CFAP90: variants seen among roughly 807,000 people sequenced by gnomAD.
CFAP90 encodes cilia and flagella associated protein 90, also known as cilia- and flagella-associated protein 90.
the CFAP90 span, among the ~76,000 whole-genome samples, chr5:7,838,929 T>A: frequency 6.6e-6 from 1 of 152,294 alleles, no homozygotes; most frequent in East Asian, 1.9e-4. Context: ...CCTCACCCAG[T>A]GTATTAGTCT....
chr5:7,842,940 G>A, the CFAP90 span, among the ~76,000 whole-genome samples: 6 of 152,260 alleles, frequency 3.9e-5, no homozygotes, highest in East Asian at 1.9e-4. Flanking sequence ...CCAGCACACC[G>A]GCGGTTAAGA....
the CFAP90 span, among the ~76,000 whole-genome samples, chr5:7,843,425 T>C: frequency 3.3e-5 from 5 of 152,336 alleles, no homozygotes; most frequent in South Asian, 1.0e-3. Context: ...ATCACAAGTT[T>C]TAGAAATTCT....
the CFAP90 span, chr5:7,835,640 C>A: frequency 5.2e-6 from 3 of 581,734 alleles, no homozygotes; most frequent in Non-Finnish European, 6.1e-6. Context: ...TTCACCTCAC[C>A]AAGCAGAACC....
the CFAP90 span, among the ~76,000 whole-genome samples, chr5:7,840,780 T>C: frequency 6.6e-6 from 1 of 152,316 alleles, no homozygotes; most frequent in African/African-American, 2.4e-5. Context: ...GAGGTCATAC[T>C]GGAGTAGGGT....
the CFAP90 span, among the ~76,000 whole-genome samples, chr5:7,846,025 A>G: frequency 1.3e-5 from 2 of 151,802 alleles, no homozygotes; most frequent in Non-Finnish European, 2.9e-5. Context: ...AGTGAAAAGA[A>G]GCTCTAATAA....
At chr5:7,837,379 C>T in the CFAP90 span, among the ~76,000 whole-genome samples, 44 of 152,258 alleles carry the variant, frequency 2.9e-4, no homozygotes, top group African/African-American at 1.1e-3. Flanking sequence ...GACATGTCTC[C>T]ATGGGATTTG....
At chr5:7,841,799 G>A in the CFAP90 span, among the ~76,000 whole-genome samples, 1 of 152,128 alleles carries the variant, frequency 6.6e-6, no homozygotes, top group South Asian at 2.1e-4. Flanking sequence ...CACATGGGGG[G>A]TGGGCAACAC....
chr5:7,842,818 A>ATGAT, the CFAP90 span, among the ~76,000 whole-genome samples: 1 of 152,188 alleles, frequency 6.6e-6, no homozygotes, highest in Admixed American at 6.5e-5. Flanking sequence ...GTAGTATTTG[A>ATGAT]TGATTTCTGT....
At chr5:7,845,977 G>T in the CFAP90 span, among the ~76,000 whole-genome samples, 1 of 149,188 alleles carries the variant, frequency 6.7e-6, no homozygotes, top group Non-Finnish European at 1.5e-5. Flanking sequence ...GCAAACGAGG[G>T]TCAGGGATAT....
At chr5:7,848,536 G>C in the CFAP90 span, among the ~76,000 whole-genome samples, 780 of 152,310 alleles carry the variant, frequency 5.1e-3, 3 homozygotes, top group African/African-American at 0.01. Context: ...CAAGCAGTTG[G>C]CTGTGAAGGA....
the CFAP90 span, among the ~76,000 whole-genome samples, chr5:7,846,955 G>A: frequency 6.6e-6 from 1 of 152,098 alleles, no homozygotes; most frequent in South Asian, 2.1e-4. Context: ...ACGTTGGCTG[G>A]GCTGGTCTTG....
the CFAP90 span, among the ~76,000 whole-genome samples, chr5:7,833,850 G>A: frequency 6.6e-5 from 10 of 152,260 alleles, no homozygotes; most frequent in South Asian, 2.1e-3. Context: ...ACCTAAGGAT[G>A]TCATAACTGT....
At chr5:7,844,717 G>T in the CFAP90 span, among the ~76,000 whole-genome samples, 4 of 152,098 alleles carry the variant, frequency 2.6e-5, no homozygotes, top group East Asian at 5.8e-4. Context: ...CTGGATAATG[G>T]GGAGTTGCCT....
chr5:7,837,127 T>C, the CFAP90 span, among the ~76,000 whole-genome samples: 5 of 152,172 alleles, frequency 3.3e-5, no homozygotes, highest in African/African-American at 1.2e-4. Flanking sequence ...CATATGTATG[T>C]AATTTACATA....
the CFAP90 span, chr5:7,832,096 C>G: frequency 6.7e-7 from 1 of 1,499,894 alleles, no homozygotes; most frequent in African/African-American, 1.4e-5. Flanking sequence ...ACCCGTGCAT[C>G]CATCAGCCTG....
chr5:7,850,706 C>G, the CFAP90 span, among the ~76,000 whole-genome samples: 1 of 150,398 alleles, frequency 6.6e-6, no homozygotes, highest in Non-Finnish European at 1.5e-5. Flanking sequence ...TACGCCCTCC[C>G]TCCGAGGGAG....
chr5:7,841,504 C>T, the CFAP90 span, among the ~76,000 whole-genome samples: 1 of 152,084 alleles, frequency 6.6e-6, no homozygotes, highest in Non-Finnish European at 1.5e-5. Flanking sequence ...GAAATCATTC[C>T]ATTATAAAGA....
At chr5:7,833,962 T>C in the CFAP90 span, among the ~76,000 whole-genome samples, 1 of 152,242 alleles carries the variant, frequency 6.6e-6, no homozygotes, top group Non-Finnish European at 1.5e-5. Flanking sequence ...CATACAATTA[T>C]GTACAGCTCA....
At chr5:7,831,746 G>A in the CFAP90 span, 10 of 1,125,444 alleles carry the variant, frequency 8.9e-6, no homozygotes, top group Admixed American at 2.1e-5. Context: ...CAAGCTCCTA[G>A]GCGTCATGAG....
Sources: allele counts gnomAD v4.1 joint callset (sites outside exome capture counted in the v4.1 genomes callset), GRCh38; gene constraint gnomAD v4.1.1; transcripts MANE v1.5; gene names NCBI Gene and HGNC (gene_info 2026-07-23, HGNC 2026-07-21).